Variants in ASB15 observed in about 807,000 individuals in gnomAD.
ASB15 encodes ankyrin repeat and SOCS box protein 15.
Under a neutral mutation model 58.0 loss-of-function variants are expected in ASB15, and 54 were observed. The observed-to-expected ratio is 0.93, with a 90% CI of 0.75 to 1.17. ASB15 has a LOEUF of 1.17. Among genes scored for constraint, ASB15 ranks in the 50% most tolerant of loss-of-function variants. The probability of loss-of-function intolerance (pLI) is 0.00; values close to 1 mark genes in which losing one functional copy is unlikely to be tolerated. For missense variants in ASB15, 680 were observed against 707.4 expected, an observed-to-expected ratio of 0.96 and a Z score of 0.44; for synonymous variants, 249 against 262.4, an observed-to-expected ratio of 0.95 and a Z score of 0.50.
At position 123,627,091 on chromosome 7, in the gene ASB15, C is replaced by A; in HGVS notation, c.698-19C>A. ...ACAATACCATCCAGTTATCATTATG[C>A]CACGTTTTATACTGCCAGGTGGTGA... On this transcript the variant is annotated intron_variant, in intron 8 of 11. Coordinates refer to ENST00000451215, the MANE Select transcript of ASB15 (RefSeq NM_001290258.2). The A allele has an allele frequency of 1.9e-6, 3 of 1,604,276 alleles. No homozygotes were observed. The highest frequency in any genetic ancestry group is 1.1e-5 in the South Asian group (1 of 89,844).
chr7:123,617,050 T>C (rs1249524230), intron 6 of ASB15, among the ~76,000 whole-genome samples: 3 of 152,264 alleles, frequency 2.0e-5, no homozygotes, highest in Non-Finnish European at 2.9e-5. Flanking sequence ...CAGAACACTT[T>C]TGAGAGTGCC....
intron 1 of ASB15, among the ~76,000 whole-genome samples, chr7:123,579,101 C>A (rs1035890243): frequency 6.6e-6 from 1 of 151,954 alleles, no homozygotes; most frequent in African/African-American, 2.4e-5. Flanking sequence ...TCTATTGTAT[C>A]CATCTTTATG....
intron 9 of ASB15, among the ~76,000 whole-genome samples, chr7:123,627,857 G>A (rs1193010441): frequency 2.6e-5 from 4 of 152,196 alleles, no homozygotes; most frequent in Non-Finnish European, 5.9e-5. Flanking sequence ...TACCCACCAT[G>A]AGAAGATGGT....
upstream of ASB15, among the ~76,000 whole-genome samples, chr7:123,598,496 G>A (rs896625981): frequency 4.6e-5 from 7 of 151,656 alleles, no homozygotes; most frequent in East Asian, 1.9e-4. Flanking sequence ...TACTTTGTTC[G>A]CAAAAGGAAA....
chr7:123,631,182 G>T (rs1680385923), intron 11 of ASB15, among the ~76,000 whole-genome samples: 1 of 152,268 alleles, frequency 6.6e-6, no homozygotes. Flanking sequence ...TCCTAGTTGT[G>T]TGACTTTGAG....
At chr7:123,612,876 C>T (rs925588086) in intron 3 of ASB15, among the ~76,000 whole-genome samples, 7 of 152,146 alleles carry the variant, frequency 4.6e-5, no homozygotes, top group African/African-American at 1.7e-4. Context: ...CCTGCTTTTA[C>T]TGAGTTACAT....
At chr7:123,570,425 G>A (rs1304254002) in intron 1 of ASB15, among the ~76,000 whole-genome samples, 4 of 152,016 alleles carry the variant, frequency 2.6e-5, no homozygotes, top group African/African-American at 9.7e-5. Flanking sequence ...CTTCCACCGA[G>A]AGTGGCAGGG....
At chr7:123,619,172 G>T (rs1207307229) in intron 7 of ASB15, among the ~76,000 whole-genome samples, 5 of 97,678 alleles carry the variant, frequency 5.1e-5, no homozygotes, top group Admixed American at 1.5e-4. Context: ...AGAGAGAGAC[G>T]CCGTCTCAAA....
chr7:123,613,211 G>C (rs1800573917), intron 3 of ASB15, among the ~76,000 whole-genome samples: 1 of 152,146 alleles, frequency 6.6e-6, no homozygotes, highest in Non-Finnish European at 1.5e-5. Flanking sequence ...TATAGAGTTT[G>C]AAATTATCCA....
chr7:123,604,377 T>C (rs1306757069), intron 2 of ASB15, among the ~76,000 whole-genome samples, 165 bp downstream of exon 2: 1 of 150,734 alleles, frequency 6.6e-6, no homozygotes, highest in Non-Finnish European at 1.5e-5. Flanking sequence ...AGGTCAGGAG[T>C]TCAAGACCAG....
intron 3 of ASB15, among the ~76,000 whole-genome samples, chr7:123,611,179 G>T (rs1800429110): frequency 6.6e-6 from 1 of 151,476 alleles, no homozygotes. Flanking sequence ...TCAAAATATT[G>T]TCTGGCCTTT....
At chr7:123,632,473 G>A (rs1001083061) in intron 11 of ASB15, among the ~76,000 whole-genome samples, 6 of 150,756 alleles carry the variant, frequency 4.0e-5, no homozygotes, top group African/African-American at 1.5e-4. Context: ...AATAGGTTTT[G>A]GGGGAACGGG....
intron 1 of ASB15, among the ~76,000 whole-genome samples, chr7:123,591,999 G>C (rs1187106951): frequency 6.6e-6 from 1 of 152,132 alleles, no homozygotes; most frequent in East Asian, 1.9e-4. Context: ...TCTATTCAGA[G>C]ATTCAACTTT....
intron 4 of ASB15, 88 bp from the exon 5 acceptor site, chr7:123,616,133 T>C: frequency 4.4e-6 from 5 of 1,136,122 alleles, no homozygotes; most frequent in Non-Finnish European, 6.3e-6. Context: ...AAAATTAAGT[T>C]TAAAAATGCA....
At chr7:123,610,980 G>T (rs1382129862) in intron 3 of ASB15, among the ~76,000 whole-genome samples, 3 of 150,796 alleles carry the variant, frequency 2.0e-5, no homozygotes, top group African/African-American at 7.3e-5. Flanking sequence ...TACTCGGGAG[G>T]CTAAGGCAGG....
chr7:123,578,345 A>T (rs1799125960), intron 1 of ASB15, among the ~76,000 whole-genome samples: 1 of 151,696 alleles, frequency 6.6e-6, no homozygotes, highest in Non-Finnish European at 1.5e-5. Flanking sequence ...CTGTGACTAG[A>T]ACTCTGTTTT....
At chr7:123,609,747 G>A (rs1330053297) in intron 3 of ASB15, among the ~76,000 whole-genome samples, 4 of 152,222 alleles carry the variant, frequency 2.6e-5, no homozygotes, top group Non-Finnish European at 4.4e-5. Context: ...GTATTTCAAA[G>A]GAAGCTCTGA....
chr7:123,588,339 T>C (rs1799432604), intron 1 of ASB15, among the ~76,000 whole-genome samples: 1 of 151,798 alleles, frequency 6.6e-6, no homozygotes. Flanking sequence ...TAGTTTCTTA[T>C]AATCTTTTGT....
At chr7:123,594,563 T>C (rs933672225) in intron 1 of ASB15, among the ~76,000 whole-genome samples, 10 of 152,176 alleles carry the variant, frequency 6.6e-5, no homozygotes, top group African/African-American at 2.2e-4. Flanking sequence ...TGTTGGAGTT[T>C]GCTGGAGGTC....
Sources: allele counts gnomAD v4.1 joint callset (sites outside exome capture counted in the v4.1 genomes callset), GRCh38; gene constraint gnomAD v4.1.1; transcripts MANE v1.5; gene names NCBI Gene and HGNC (gene_info 2026-07-23, HGNC 2026-07-21).